The following SFMBT2 variants were observed in gnomAD, a reference collection of about 807,000 sequenced individuals.
SFMBT2 encodes scm-like with four MBT domains protein 2.
In SFMBT2, 38 loss-of-function variants were observed where a neutral mutation model predicts 110.1. That is an observed-to-expected ratio of 0.35 (90% confidence interval 0.27 to 0.45). The LOEUF is 0.45. Ranked by LOEUF, SFMBT2 falls within the 20% of genes least tolerant of loss-of-function variation. The pLI, the probability that SFMBT2 is intolerant of heterozygous loss-of-function variation, is 1.00. For missense variants in SFMBT2, 1,011 were observed against 1,094.9 expected, an observed-to-expected ratio of 0.92 and a Z score of 1.08; for synonymous variants, 425 against 425.4, an observed-to-expected ratio of 1.00 and a Z score of 0.01.
chr10:7,216,100 C>T (rs560052670), intron 11 of SFMBT2, among the ~76,000 whole-genome samples: 236 of 152,320 alleles, frequency 1.5e-3, no homozygotes, highest in Admixed American at 3.1e-3. Flanking sequence ...GCTTAAGCAA[C>T]GTGCTCAAGG....
chr10:7,362,984 C>A (rs543950564), intron 4 of SFMBT2, among the ~76,000 whole-genome samples: 12 of 152,338 alleles, frequency 7.9e-5, no homozygotes, highest in African/African-American at 2.9e-4. Context: ...TCTTCCTTCA[C>A]AAGGGTCACA....
At chr10:7,398,587 CT>C (rs879858152) in intron 1 of SFMBT2, among the ~76,000 whole-genome samples, 8 of 151,410 alleles carry the variant, frequency 5.3e-5, no homozygotes, top group Admixed American at 1.3e-4. Flanking sequence ...GTCAAAGGGC[CT>C]TTTTTTTTAT....
At chr10:7,206,852 C>T (rs1839151905) in intron 11 of SFMBT2, 2 of 982,928 alleles carry the variant, frequency 2.0e-6, no homozygotes, top group African/African-American at 1.7e-5. Flanking sequence ...GAGATCAGAG[C>T]TCCATTAATA....
intron 7 of SFMBT2, chr10:7,249,641 C>G: frequency 2.9e-6 from 2 of 697,464 alleles, no homozygotes; most frequent in Non-Finnish European, 3.5e-6. Context: ...CGACGCCACT[C>G]TATATCCAAC....
chr10:7,182,716 G>A (rs1378522944), intron 16 of SFMBT2, among the ~76,000 whole-genome samples: 1 of 138,426 alleles, frequency 7.2e-6, no homozygotes, highest in Non-Finnish European at 1.5e-5. Context: ...GGGGCCTGTT[G>A]TGGGGTGGGG....
intron 2 of SFMBT2, among the ~76,000 whole-genome samples, chr10:7,375,461 A>AT (rs1043745297): frequency 1.3e-5 from 2 of 151,862 alleles, no homozygotes; most frequent in Non-Finnish European, 2.9e-5. Flanking sequence ...GATGCTAGAT[A>AT]TTTTTTTTAA....
chr10:7,177,872 A>AAGT (rs1564368815), intron 16 of SFMBT2, among the ~76,000 whole-genome samples: 15 of 103,364 alleles, frequency 1.5e-4, no homozygotes, highest in Non-Finnish European at 3.6e-4. Flanking sequence ...AAAAAAAAAG[A>AAGT]AGAAGAAGAA....
At chr10:7,360,638 C>A (rs1844686530) in intron 4 of SFMBT2, among the ~76,000 whole-genome samples, 1 of 152,148 alleles carries the variant, frequency 6.6e-6, no homozygotes, top group Non-Finnish European at 1.5e-5. Flanking sequence ...CAGCAGGACT[C>A]TTTTATGATG....
Position 7,284,086 on chromosome 10 carries a change from G to C in SFMBT2, c.590C>G (p.Ser197Cys). 6.2e-7 allele frequency: 1 copy of C among 1,614,184 alleles called. No individual in the cohort carries two copies. Among genetic ancestry groups the C allele is most frequent in the Non-Finnish European group, 8.5e-7 (1 of 1,180,024 alleles). ...TVGSLIELQDSQNPFQYWIVS... is the reference protein window; with the variant it reads ...TVGSLIELQDCQNPFQYWIVS... ...TATCCAGTACTGAAAAGGGTTCTGG[G>C]AATCCTGAAGTTCTATTAAGGAACC... Residue 197 changes from serine to cysteine, a missense_variant, in exon 6 of 21, where the codon TCC (serine) becomes TGC (cysteine). Transcript: ENST00000397167.
chr10:7,292,290 C>T (rs1221321799), intron 4 of SFMBT2: 1 of 244,046 alleles, frequency 4.1e-6, no homozygotes, highest in Non-Finnish European at 6.6e-6. Context: ...AACAGTACAC[C>T]TTGAATGATA....
rs558967340 is a variant in SFMBT2, at chr10:7,178,239, G to A, written c.1809-2074C>T. Among the ~76,000 whole-genome samples, 8 of 152,046 alleles carry A rather than the reference G, an allele frequency of 5.3e-5. No homozygotes were observed. In the South Asian group the frequency reaches 1.5e-3, roughly 28 times the overall value. ...CTGCCTGCTTGTACCTTTCCTTCTC[G>A]GTTCACATCTTCTAAGGTTTCTCTG... is the stretch of plus-strand genomic sequence containing the variant. On this transcript the variant is annotated intron_variant, in intron 16 of 20. Transcript: ENST00000397167.
At chr10:7,198,883 A>C (rs1588794178) in intron 14 of SFMBT2, among the ~76,000 whole-genome samples, 1 of 152,284 alleles carries the variant, frequency 6.6e-6, no homozygotes, top group Non-Finnish European at 1.5e-5. Flanking sequence ...TCTACTAAAA[A>C]TACAAAAATT....
chr10:7,282,636 AC>A (rs1841978732), intron 6 of SFMBT2, among the ~76,000 whole-genome samples: 1 of 152,222 alleles, frequency 6.6e-6, no homozygotes, highest in Non-Finnish European at 1.5e-5. Flanking sequence ...ATAAAATACC[AC>A]ATTACGCGTC....
At chr10:7,397,349 T>A (rs1261951683) in intron 1 of SFMBT2, among the ~76,000 whole-genome samples, 1 of 151,782 alleles carries the variant, frequency 6.6e-6, no homozygotes, top group African/African-American at 2.4e-5. Flanking sequence ...GGGAAAGGGC[T>A]TGCGGTTGTT....
intron 1 of SFMBT2, among the ~76,000 whole-genome samples, chr10:7,409,094 C>CCCCCACCACCAT (rs1564480488): frequency 6.8e-6 from 1 of 146,364 alleles, no homozygotes; most frequent in Non-Finnish European, 1.5e-5. Flanking sequence ...CCCCACCCCA[C>CCCCCACCACCAT]CACCACCACC....
chr10:7,293,198 A>G lies in SFMBT2; in HGVS notation c.437-7244T>C, dbSNP rs1842312148. Among the ~76,000 whole-genome samples the G allele has an allele frequency of 6.6e-6, 1 of 151,904 alleles. No individual in the cohort carries two copies. The highest frequency in any genetic ancestry group is 6.6e-5 in the Admixed American group (1 of 15,264). The stretch of plus-strand genomic sequence containing the variant: ...CAAGCAGCTGGGATTACAGGCACCC[A>G]CCACCATCTCCAGCCTCAGCTTCCC... On this transcript the variant is annotated intron_variant, in intron 4 of 20. Transcript: ENST00000397167. The surrounding 1 kb of genome is among the most constrained non-coding windows in gnomAD (Gnocchi z 4.6).
chr10:7,176,867 T>C (rs1034580035), intron 16 of SFMBT2, among the ~76,000 whole-genome samples: 3 of 152,096 alleles, frequency 2.0e-5, no homozygotes, highest in Non-Finnish European at 4.4e-5. Flanking sequence ...GTGGCTTCAG[T>C]GTAAACAGAA....
chr10:7,283,461 AATGG>A (rs1181666658), intron 6 of SFMBT2, among the ~76,000 whole-genome samples: 3 of 150,606 alleles, frequency 2.0e-5, no homozygotes, highest in Non-Finnish European at 3.0e-5. Context: ...TAGGTGGATG[AATGG>A]ATGGATGAAT....
rs987795063 is a variant in SFMBT2 at position 7,185,065 on chromosome 10, C to G, written c.1808+3559G>C. Among the ~76,000 whole-genome samples the G allele has an allele frequency of 5.3e-5, 8 of 152,116 alleles. No individual in the cohort carries two copies. In the East Asian group the frequency reaches 1.5e-3, roughly 29 times the overall value. On this transcript the variant is annotated intron_variant, in intron 16 of 20. Transcript: ENST00000397167. Reference sequence around the variant, plus strand: ...CAGAAATTTCTTTCTTCCTTCTTGCCTTTAAGTAATGGGAACTCTGCAACA... The same window carrying G: ...CAGAAATTTCTTTCTTCCTTCTTGCGTTTAAGTAATGGGAACTCTGCAACA...
Sources: allele counts gnomAD v4.1 joint callset (sites outside exome capture counted in the v4.1 genomes callset), GRCh38; gene constraint gnomAD v4.1.1; non-coding constraint Gnocchi (gnomAD v3.1); transcripts MANE v1.5; gene names NCBI Gene and HGNC (gene_info 2026-07-23, HGNC 2026-07-21).